The following FANCC variants were observed in gnomAD, a reference collection of about 807,000 sequenced individuals.
The protein encoded by FANCC is FA complementation group C.
Under a neutral mutation model 71.3 loss-of-function variants are expected in FANCC, and 55 were observed. The observed-to-expected ratio is 0.77, with a 90% CI of 0.62 to 0.97. The LOEUF (loss-of-function observed/expected upper bound fraction) is 0.97, where lower values mean the gene tolerates loss of function less well. Among genes scored for constraint, FANCC ranks in the 50% least tolerant of loss-of-function variants. FANCC has a pLI of 0.00. For synonymous variants in FANCC, 275 were observed against 244.9 expected (o/e 1.12, Z -1.15); for missense variants, 678 against 670.9 (o/e 1.01, Z -0.12).
chr9:95,271,464 T>C (rs1007116404), intron 1 of FANCC, among the ~76,000 whole-genome samples: 1 of 152,036 alleles, frequency 6.6e-6, no homozygotes, highest in African/African-American at 2.4e-5. Flanking sequence ...GAAGCAAAGA[T>C]TGGAGGGATG....
At chr9:95,231,329 G>T (rs1006703504) in intron 4 of FANCC, among the ~76,000 whole-genome samples, 4 of 152,214 alleles carry the variant, frequency 2.6e-5, no homozygotes, top group East Asian at 1.9e-4. Context: ...ATACATCAAG[G>T]TCATACTGAG....
At chr9:95,233,325 G>A (rs1193983995) in intron 4 of FANCC, among the ~76,000 whole-genome samples, 1 of 152,174 alleles carries the variant, frequency 6.6e-6, no homozygotes, top group African/African-American at 2.4e-5. Flanking sequence ...TGGAGCTGTG[G>A]AAGAGGAATC....
chr9:95,135,539 T>C (rs779913100), intron 7 of FANCC, 37 bp from the exon 8 acceptor site: 2 of 1,592,482 alleles, frequency 1.3e-6, no homozygotes, highest in East Asian at 2.2e-5. Flanking sequence ...TAAACAGAAA[T>C]GGCTCACTGA....
chr9:95,216,057 C>G (rs1411294659), intron 4 of FANCC, among the ~76,000 whole-genome samples: 1 of 152,088 alleles, frequency 6.6e-6, no homozygotes, highest in African/African-American at 2.4e-5. Flanking sequence ...GAAAAAGCAG[C>G]AGGTGTCACA....
In FANCC at chr9:95,101,292, C is replaced by G; in HGVS notation, c.*415G>C. On this transcript the variant is annotated 3_prime_UTR_variant, in exon 15 of 15. Coordinates refer to ENST00000289081, the MANE Select transcript of FANCC (RefSeq NM_000136.3). Reference sequence around the variant, plus strand: ...ACTCCTAAAAAGAGTCTAAAAAGAGCTAAGTTCTCTCTAAATTCTTTAATG... The same window carrying G: ...ACTCCTAAAAAGAGTCTAAAAAGAGGTAAGTTCTCTCTAAATTCTTTAATG... The G allele has an allele frequency of 3.1e-6, 1 of 320,764 alleles. No individual in the cohort carries two copies. The highest frequency in any genetic ancestry group is 5.9e-6 in the Non-Finnish European group (1 of 170,606). 19.9% of individuals were successfully genotyped at this position (320,764 alleles called of 1,614,324 possible). A position where few individuals can be genotyped will look rare whatever the true frequency, so the allele number is the denominator to read the frequency against.
intron 6 of FANCC, among the ~76,000 whole-genome samples, chr9:95,161,832 CTTTT>C (rs1321242780): frequency 4.1e-5 from 3 of 72,570 alleles, no homozygotes; most frequent in African/African-American, 7.3e-5. Context: ...CTTTCTGCTT[CTTTT>C]CTTTTCTTTT....
intron 10 of FANCC, among the ~76,000 whole-genome samples, chr9:95,118,165 C>T (rs777501060): frequency 6.6e-6 from 1 of 152,076 alleles, no homozygotes; most frequent in Non-Finnish European, 1.5e-5. Flanking sequence ...ATTACAGGCA[C>T]ATGCCACCAC....
chr9:95,315,266 C>T (rs1835669973), intron 1 of FANCC, among the ~76,000 whole-genome samples: 1 of 152,216 alleles, frequency 6.6e-6, no homozygotes, highest in Non-Finnish European at 1.5e-5. Context: ...CAGTCTGCTG[C>T]CCAGTGTGGA....
intron 10 of FANCC, among the ~76,000 whole-genome samples, chr9:95,118,238 T>C (rs1047024983): frequency 3.3e-5 from 5 of 152,130 alleles, no homozygotes; most frequent in African/African-American, 1.2e-4. Context: ...AGGCTGGTCT[T>C]GAACTCCTTA....
At chr9:95,238,850 G>A (rs538106088) in intron 4 of FANCC, among the ~76,000 whole-genome samples, 4 of 152,058 alleles carry the variant, frequency 2.6e-5, no homozygotes, top group South Asian at 4.1e-4. Context: ...GAGCCACCGC[G>A]CCCAGGCATG....
chr9:95,302,386 C>T (rs1834802709), intron 1 of FANCC, among the ~76,000 whole-genome samples: 3 of 152,166 alleles, frequency 2.0e-5, no homozygotes, highest in Non-Finnish European at 4.4e-5. Flanking sequence ...TGAGTGCCAA[C>T]CTCGCTTCTC....
chr9:95,243,006 T>A (rs891132746), intron 3 of FANCC, among the ~76,000 whole-genome samples: 12 of 152,242 alleles, frequency 7.9e-5, no homozygotes, highest in Non-Finnish European at 1.0e-4. Context: ...GAAAGGAAGA[T>A]AACAACATAC....
At chr9:95,136,339 C>T (rs940944037) in intron 7 of FANCC, among the ~76,000 whole-genome samples, 1 of 152,060 alleles carries the variant, frequency 6.6e-6, no homozygotes, top group East Asian at 1.9e-4. Context: ...GCTGTGTTCA[C>T]GTCACTGCAC....
chr9:95,157,400 T>C (rs1026529350), intron 6 of FANCC, among the ~76,000 whole-genome samples: 3 of 152,226 alleles, frequency 2.0e-5, no homozygotes, highest in African/African-American at 7.2e-5. Flanking sequence ...AACAATTCAG[T>C]GACAGAATGT....
At chr9:95,156,615 T>A (rs956796793) in intron 6 of FANCC, among the ~76,000 whole-genome samples, 7 of 152,250 alleles carry the variant, frequency 4.6e-5, no homozygotes, top group Non-Finnish European at 8.8e-5. Context: ...TTTAGAAGCT[T>A]TTGTGATCAC....
chr9:95,258,047 A>C (rs1223907843), intron 1 of FANCC, among the ~76,000 whole-genome samples: 2 of 152,234 alleles, frequency 1.3e-5, no homozygotes, highest in Non-Finnish European at 2.9e-5. Context: ...GGCAGTAATT[A>C]ATAGCCTACC....
intron 4 of FANCC, among the ~76,000 whole-genome samples, chr9:95,222,862 T>C (rs1254008526): frequency 6.6e-6 from 1 of 152,214 alleles, no homozygotes; most frequent in African/African-American, 2.4e-5. Flanking sequence ...AAAATTTTCA[T>C]CCAGCTTATT....
At position 95,114,693 on chromosome 9, in the gene FANCC, A is replaced by G. The variant is rs771694972; in HGVS notation, c.1090T>C (p.Trp364Arg). The change falls in exon 12 of 15, where the codon TGG becomes CGG. Residue 364 changes from tryptophan (W) to arginine (R), a missense_variant. Trp to Arg is a moderately radical substitution (Grantham distance 101, BLOSUM62 -3). Coordinates refer to ENST00000289081, the MANE Select transcript of FANCC (RefSeq NM_000136.3). ...QDPQDIPRGH[W>R]LQTLKHISEL... ...GAAATATGCTTCAGTGTCTGGAGCC[A>G]GTGTCCCCGAGGGATATCTGCGGGT... The G allele has an allele frequency of 8.1e-6, 13 of 1,614,116 alleles. No homozygotes were observed. The highest frequency in any genetic ancestry group is 1.1e-5 in the Non-Finnish European group (13 of 1,179,944).
At chr9:95,130,065 G>A (rs1355057081) in intron 8 of FANCC, among the ~76,000 whole-genome samples, 1 of 152,164 alleles carries the variant, frequency 6.6e-6, no homozygotes, top group African/African-American at 2.4e-5. Flanking sequence ...TGCCTGTTTT[G>A]GAAGAGAGGC....
Sources: gnomAD v4.1 joint callset for allele counts (sites outside exome capture counted in the v4.1 genomes callset) on GRCh38, gnomAD v4.1.1 for gene constraint, MANE v1.5 for transcripts, NCBI Gene and HGNC (gene_info 2026-07-23, HGNC 2026-07-21) for gene names.